Variants in PDE4C observed in about 807,000 individuals in gnomAD.
PDE4C encodes phosphodiesterase 4C.
Under a neutral mutation model 63.9 loss-of-function variants are expected in PDE4C, and 50 were observed. The observed-to-expected ratio is 0.78, with a 90% CI of 0.62 to 0.99. The LOEUF (loss-of-function observed/expected upper bound fraction) is 0.99. PDE4C is among the 50% of genes least tolerant of loss of function. The pLI, the probability that PDE4C is intolerant of heterozygous loss-of-function variation, is 0.00. For synonymous variants in PDE4C, 377 were observed against 385.1 expected, an observed-to-expected ratio of 0.98 and a Z score of 0.25; for missense variants, 777 against 899.1, an observed-to-expected ratio of 0.86 and a Z score of 1.74.
At chr19:18,235,412 C>A (rs575396429), upstream of PDE4C, among the ~76,000 whole-genome samples, 1 of 152,310 alleles carries the variant, frequency 6.6e-6, no homozygotes, top group East Asian at 1.9e-4. Flanking sequence ...CTCAGGTGAT[C>A]CACCCGTCTT....
chr19:18,215,662 A>C (rs1600064953), intron 12 of PDE4C, among the ~76,000 whole-genome samples: 1 of 144,744 alleles, frequency 6.9e-6, no homozygotes, highest in Non-Finnish European at 1.5e-5. Context: ...CTACAGGTGC[A>C]TGCCACCACA....
intron 1 of PDE4C, among the ~76,000 whole-genome samples, chr19:18,242,991 G>A (rs1054561460): frequency 2.0e-5 from 3 of 152,124 alleles, no homozygotes; most frequent in South Asian, 2.1e-4. Flanking sequence ...CTAGAGCAGT[G>A]GCCAGGTGAT....
At chr19:18,222,083 G>A (rs1286701096) in intron 2 of PDE4C, 49 bp downstream of exon 2, 9 of 1,501,816 alleles carry the variant, frequency 6.0e-6, no homozygotes, top group South Asian at 3.6e-5. Flanking sequence ...GAGGAACAAA[G>A]GAAGGAGGGA....
Position 18,220,335 on chromosome 19 carries a change from G to A in PDE4C, c.613-16C>T, listed in dbSNP as rs1968402211. On this transcript the variant is annotated splice_polypyrimidine_tract_variant and intron_variant, in intron 6 of 14. Transcript: ENST00000262805. This position sits in a 1 kb window ranked among gnomAD's most constrained non-coding sequence, Gnocchi z 5.1. Reference sequence around the variant, plus strand: ...TCCGCTTGAACTGGGGCGGAGAGAAGGTGAAGACCGTGATGATGGGGCACC... The same window carrying A: ...TCCGCTTGAACTGGGGCGGAGAGAAAGTGAAGACCGTGATGATGGGGCACC... 1.2e-6 allele frequency: 2 copies of A among 1,613,784 alleles called. No homozygotes were observed. The highest frequency in any genetic ancestry group is 1.7e-5 in the Admixed American group (1 of 59,998).
At chr19:18,221,110 T>G (rs754298221) in exon 4 of PDE4C, 19 of 1,185,540 alleles carry the variant, frequency 1.6e-5, no homozygotes, top group East Asian at 3.1e-5. Context: ...CCTACTTGGC[T>G]GCTCCTAGGC....
Position 18,220,347 on chromosome 19 carries a change from G to A in PDE4C, c.613-28C>T. On this transcript the variant is annotated intron_variant, in intron 6 of 14. Coordinates refer to ENST00000262805, the Ensembl canonical transcript of PDE4C. This position sits in a 1 kb window ranked among gnomAD's most constrained non-coding sequence, Gnocchi z 5.1. ...GGGGCGGAGAGAAGGTGAAGACCGT[G>A]ATGATGGGGCACCGTGGGCCGAGGC... 6.2e-7 allele frequency: 1 copy of A among 1,613,138 alleles called. No homozygotes were observed. Among genetic ancestry groups the A allele is most frequent in the Non-Finnish European group, 8.5e-7 (1 of 1,179,110 alleles).
At position 18,220,792 on chromosome 19, in the gene PDE4C, G is replaced by C; in HGVS notation, c.499+82C>G. 1 of 1,350,022 alleles carries C rather than the reference G, an allele frequency of 7.4e-7. No homozygotes were observed. The highest frequency in any genetic ancestry group is 1.0e-6 in the Non-Finnish European group (1 of 955,184). The allele number at this position is 1,350,022 out of a possible 1,614,324, so 83.6% of individuals were successfully genotyped here. A position where few individuals can be genotyped will look rare whatever the true frequency, so the allele number is the denominator to read the frequency against. On this transcript the variant is annotated intron_variant, in intron 5 of 14. Coordinates refer to ENST00000262805, the Ensembl canonical transcript of PDE4C. This position sits in a 1 kb window ranked among gnomAD's most constrained non-coding sequence, Gnocchi z 5.1. ...GGGCTACAATTAGCCCCAGTATAAG[G>C]GGCTCATGGACTGGGGAGGTCACTA...
intron 12 of PDE4C, among the ~76,000 whole-genome samples, chr19:18,214,510 G>A (rs1298711235): frequency 6.6e-6 from 1 of 152,088 alleles, no homozygotes; most frequent in Admixed American, 6.6e-5. Flanking sequence ...GCCTCTGGCA[G>A]CTGGGGTAGA....
chr19:18,240,453 C>A (rs572869940), intron 1 of PDE4C, among the ~76,000 whole-genome samples: 86 of 145,134 alleles, frequency 5.9e-4, no homozygotes, highest in African/African-American at 2.0e-3. Flanking sequence ...CGGGGCTGGG[C>A]ACGGTGGCTC....
At chr19:18,211,989 C>T (rs1199253024) in intron 13 of PDE4C, 48 bp from the exon 14 acceptor site, 5 of 1,579,338 alleles carry the variant, frequency 3.2e-6, no homozygotes, top group South Asian at 1.1e-5. Flanking sequence ...CCAGCCACAC[C>T]TAGACCTGGC....
At chr19:18,227,154 T>C (rs1050099825), upstream of PDE4C, among the ~76,000 whole-genome samples, 2 of 152,162 alleles carry the variant, frequency 1.3e-5, no homozygotes, top group African/African-American at 4.8e-5. Flanking sequence ...CCTCTGCCCA[T>C]TTTCCAGATG....
At chr19:18,228,325 A>G (rs999650960), upstream of PDE4C, among the ~76,000 whole-genome samples, 6 of 152,200 alleles carry the variant, frequency 3.9e-5, no homozygotes, top group Admixed American at 2.6e-4. Context: ...TGCTTCAAAA[A>G]CATGCAGCAC....
intron 1 of PDE4C, among the ~76,000 whole-genome samples, chr19:18,246,808 C>G (rs114942975): frequency 0.02 from 3,012 of 152,228 alleles, 106 homozygotes; most frequent in African/African-American, 0.069. Flanking sequence ...GTGCCTGTAA[C>G]TCCAGCTGCT....
chr19:18,237,658 G>A (rs1244784836), upstream of PDE4C, among the ~76,000 whole-genome samples: 3 of 151,676 alleles, frequency 2.0e-5, no homozygotes, highest in African/African-American at 7.3e-5. Context: ...GGATCACGAG[G>A]TCAGGAGATC....
chr19:18,240,365 C>G (rs971029573), intron 1 of PDE4C, among the ~76,000 whole-genome samples: 4 of 141,612 alleles, frequency 2.8e-5, no homozygotes, highest in Non-Finnish European at 6.0e-5. Context: ...GAGGTTGAGA[C>G]TGCAGTGAGC....
At chr19:18,230,896 C>T (rs1156878560), upstream of PDE4C, among the ~76,000 whole-genome samples, 5 of 152,198 alleles carry the variant, frequency 3.3e-5, no homozygotes, top group African/African-American at 1.2e-4. Flanking sequence ...GCCTGCCACC[C>T]AGTAGGTGCT....
chr19:18,236,965 A>G (rs1331437125), upstream of PDE4C: 1 of 152,788 alleles, frequency 6.5e-6, no homozygotes, highest in Admixed American at 6.5e-5. Context: ...CTCGGCAGCG[A>G]TGGCAGCAAT....
chr19:18,218,234 G>C, exon 11 of PDE4C: 1 of 1,614,244 alleles, frequency 6.2e-7, no homozygotes, highest in Non-Finnish European at 8.5e-7. Flanking sequence ...GGATTTCCAA[G>C]TCTGTGAACA....
chr19:18,226,304 G>A (rs762831147), exon 1 of PDE4C: 48 of 1,570,882 alleles, frequency 3.1e-5, no homozygotes, highest in Non-Finnish European at 3.9e-5. Flanking sequence ...CGCCGCTGCA[G>A]GCGGATGCTC....
Sources: allele counts gnomAD v4.1 joint callset (sites outside exome capture counted in the v4.1 genomes callset), GRCh38; gene constraint gnomAD v4.1.1; non-coding constraint Gnocchi (gnomAD v3.1); transcripts MANE v1.5; gene names NCBI Gene and HGNC (gene_info 2026-07-23, HGNC 2026-07-21).